AP1G1: variants seen among roughly 807,000 people sequenced by gnomAD.
AP1G1 encodes AP-1 complex subunit gamma-1.
AP1G1 carries 7 observed loss-of-function variants against 108.3 expected under a neutral mutation model. That is an observed-to-expected ratio of 0.06 (90% CI 0.04 to 0.12). The LOEUF is 0.12. Among genes scored for constraint, AP1G1 ranks in the 10% least tolerant of loss-of-function variants. The probability of loss-of-function intolerance (pLI) is 1.00; values close to 1 mark genes in which losing one functional copy is unlikely to be tolerated. For synonymous variants in AP1G1, 379 were observed against 353.5 expected, an observed-to-expected ratio of 1.07 and a Z score of -0.81; for missense variants, 756 against 1,010.7, an observed-to-expected ratio of 0.75 and a Z score of 3.42.
At position 71,789,305 on chromosome 16, in the gene AP1G1, G is replaced by A. The variant is rs1009858497; in HGVS notation, c.175C>T (p.Leu59=). ...NVAKLLYMHM[L]GYPAHFGQLE... is the part of the protein sequence containing the mutation. ...TGTCCAAAGTGAGCAGGGTAGCCCA[G>A]CATGTGCATATACAGTAATTTTGCC... The change falls in exon 2 of 23, where the codon CTG becomes TTG. Residue 59 remains leucine (L), a synonymous_variant. Coordinates refer to ENST00000299980, the MANE Select transcript of AP1G1 (RefSeq NM_001128.6). The A allele has an allele frequency of 7.4e-6, 12 of 1,613,954 alleles. No homozygotes were observed. The highest frequency in any genetic ancestry group is 1.6e-4 in the Middle Eastern group (1 of 6,084).
At chr16:71,800,644 A>T (rs1347608528) in intron 1 of AP1G1, among the ~76,000 whole-genome samples, 1 of 150,548 alleles carries the variant, frequency 6.6e-6, no homozygotes, top group African/African-American at 2.5e-5. Flanking sequence ...TACTAAAAAT[A>T]CAGAACATTA....
At chr16:71,786,462 C>CA (rs571181755) in intron 2 of AP1G1, among the ~76,000 whole-genome samples, 192 of 151,782 alleles carry the variant, frequency 1.3e-3, no homozygotes, top group African/African-American at 4.3e-3. Context: ...TCCAACTCAA[C>CA]AAAAATTTTT....
At chr16:71,801,333 TAAA>T (rs11307473) in intron 1 of AP1G1, among the ~76,000 whole-genome samples, 4 of 145,394 alleles carry the variant, frequency 2.8e-5, no homozygotes, top group Non-Finnish European at 3.0e-5. Context: ...CATGACATGT[TAAA>T]AAAAAAAAAA....
In AP1G1 at chr16:71,731,758, C is replaced by T. The variant is rs1238177883; in HGVS notation, c.*1300G>A. The stretch of plus-strand genomic sequence containing the variant: ...CATGAGATTCGTCTTTTAAAAGAGA[C>T]CAATTTCTCAGACTGAGGAAAGGCT... On this transcript the variant is annotated 3_prime_UTR_variant, in exon 23 of 23. Transcript: ENST00000299980. 2.0e-5 allele frequency: 3 copies of T among 152,572 alleles called. No individual in the cohort carries two copies. The South Asian group carries it at 6.2e-4, about 32-fold the overall frequency. 9.5% of individuals were successfully genotyped at this position (152,572 alleles called of 1,614,324 possible).
At chr16:71,754,826 G>C (rs2030695812) in intron 12 of AP1G1, among the ~76,000 whole-genome samples, 1 of 151,744 alleles carries the variant, frequency 6.6e-6, no homozygotes, top group African/African-American at 2.4e-5. Context: ...AAAAAAAGAG[G>C]GTACATAGTC....
At chr16:71,738,139 CTGGG>C (rs2045572832) in intron 21 of AP1G1, among the ~76,000 whole-genome samples, 1 of 152,194 alleles carries the variant, frequency 6.6e-6, no homozygotes, top group Non-Finnish European at 1.5e-5. Flanking sequence ...CCTCAGCCTC[CTGGG>C]TTCAAGCAAT....
intron 2 of AP1G1, among the ~76,000 whole-genome samples, chr16:71,784,817 C>T (rs2032143551): frequency 6.6e-6 from 1 of 151,496 alleles, no homozygotes; most frequent in Non-Finnish European, 1.5e-5. Context: ...CCTTGGCCTC[C>T]CAAAGTGCCA....
Position 71,730,933 on chromosome 16 carries a change from G to A in AP1G1, c.*2125C>T, listed in dbSNP as rs749696225. The A allele has an allele frequency of 6.6e-6, 1 of 152,258 alleles. No homozygotes were observed. Among genetic ancestry groups the A allele is most frequent in the African/African-American group, 2.4e-5 (1 of 41,398 alleles). 9.4% of individuals were successfully genotyped at this position (152,258 alleles called of 1,614,324 possible). ...GCATGGTCTTGAACAGATTTCTTCAGAGATTCAACCCAGTTCAAATAAAAA... is the reference window on the plus strand; with the variant it reads ...GCATGGTCTTGAACAGATTTCTTCAAAGATTCAACCCAGTTCAAATAAAAA... On this transcript the variant is annotated 3_prime_UTR_variant, in exon 23 of 23. Coordinates refer to ENST00000299980, the MANE Select transcript of AP1G1 (RefSeq NM_001128.6).
chr16:71,761,674 CA>C (rs989493513), intron 9 of AP1G1, 107 bp from the exon 10 acceptor site: 85,320 of 580,852 alleles, frequency 0.15, no homozygotes, highest in South Asian at 0.21. Flanking sequence ...AGACTGCTAG[CA>C]AAAAAAAAAA....
rs2031561835 is a variant in AP1G1, at chr16:71,771,352, T to A, written c.469-100A>T. 10 of 631,484 alleles carry A rather than the reference T, an allele frequency of 1.6e-5. No homozygotes were observed. The South Asian group carries it at 2.1e-4, about 14-fold the overall frequency. 39.1% of individuals were successfully genotyped at this position (631,484 alleles called of 1,614,324 possible). ...CCAACACAAAAATCTCACCAACTAGTTCATCTACTAGAAAAATAAAGAAGG... is the reference window on the plus strand; with the variant it reads ...CCAACACAAAAATCTCACCAACTAGATCATCTACTAGAAAAATAAAGAAGG... On this transcript the variant is annotated intron_variant, in intron 4 of 22. Coordinates refer to ENST00000299980, the MANE Select transcript of AP1G1 (RefSeq NM_001128.6).
At position 71,753,869 on chromosome 16, in the gene AP1G1, T is replaced by A; in HGVS notation, c.1248A>T (p.Arg416=). 1 of 1,614,074 alleles carries A rather than the reference T, an allele frequency of 6.2e-7. No homozygotes were observed. Among genetic ancestry groups the A allele is most frequent in the Non-Finnish European group, 8.5e-7 (1 of 1,179,976 alleles). The part of the protein sequence containing the change: ...LAAEKYAPSK[R]WHIDTIMRVL... ...CACGCATAATTGTGTCTATATGCCA[T>A]CGTTTGGAAGGTGCATACCTGAAAA... The change falls in exon 13 of 23, where the codon CGA becomes CGT. Residue 416 remains arginine (R), a synonymous_variant. Coordinates refer to ENST00000299980, the MANE Select transcript of AP1G1 (RefSeq NM_001128.6).
In AP1G1 at chr16:71,745,264, C is replaced by T. The variant is rs538768040; in HGVS notation, c.1879G>A (p.Asp627Asn). ...SGPQPTSQAN[D>N]LLDLLGGNDI... ...TTTCCTCCCAACAAATCCAATAAAT[C>T]ATTGGCCTAAACAAGGTAACAACAC... Residue 627 changes from aspartate to asparagine, a missense_variant, in exon 19 of 23, where the codon GAT becomes AAT. Around this residue, in one of 3 missense-constraint regions of AP1G1, gnomAD observed 357 missense variants for 366.5 expected, o/e 0.97. Transcript: ENST00000299980. The T allele has an allele frequency of 8.5e-5, 138 of 1,614,172 alleles. 1 individual carries two copies. In the East Asian group the frequency reaches 2.9e-3, roughly 34 times the overall value.
intron 1 of AP1G1, among the ~76,000 whole-genome samples, chr16:71,802,893 G>A (rs998075104): frequency 2.0e-5 from 3 of 152,016 alleles, no homozygotes; most frequent in Non-Finnish European, 2.9e-5. Context: ...GAGAAAACAC[G>A]TAACATCTTT....
At chr16:71,776,656 C>A (rs1000462117) in intron 2 of AP1G1, among the ~76,000 whole-genome samples, 1 of 152,184 alleles carries the variant, frequency 6.6e-6, no homozygotes, top group African/African-American at 2.4e-5. Context: ...TTCAATCTTA[C>A]TTCTGACAAA....
intron 2 of AP1G1, among the ~76,000 whole-genome samples, chr16:71,780,858 G>T (rs1213344300): frequency 6.8e-6 from 1 of 146,016 alleles, no homozygotes; most frequent in Admixed American, 7.0e-5. Context: ...TCACTCTGTC[G>T]CCCAGGCTGG....
At chr16:71,746,964 A>G (rs553499175) in intron 16 of AP1G1, 1 of 244,242 alleles carries the variant, frequency 4.1e-6, no homozygotes, top group South Asian at 7.2e-5. Context: ...ACACATATAT[A>G]TATGCCACTC....
chr16:71,755,315 T>C (rs1267058602), intron 12 of AP1G1, among the ~76,000 whole-genome samples: 1 of 152,056 alleles, frequency 6.6e-6, no homozygotes, highest in East Asian at 1.9e-4. Context: ...CGTAAGCCTA[T>C]GGTCCCAGCT....
intron 21 of AP1G1, 107 bp from the exon 22 acceptor site, chr16:71,734,814 C>CACT (rs1362247981): frequency 3.1e-5 from 27 of 857,830 alleles, no homozygotes; most frequent in Non-Finnish European, 4.5e-5. Flanking sequence ...CAACAGATTT[C>CACT]ACTACTACTA....
chr16:71,794,000 G>A (rs1567663085), intron 1 of AP1G1, among the ~76,000 whole-genome samples: 1 of 152,198 alleles, frequency 6.6e-6, no homozygotes, highest in East Asian at 1.9e-4. Flanking sequence ...TTACAGGCAT[G>A]AGCAACCGCA....
Sources: allele counts gnomAD v4.1 joint callset (sites outside exome capture counted in the v4.1 genomes callset), GRCh38; gene constraint gnomAD v4.1.1; regional missense constraint gnomAD v4.1.1; transcripts MANE v1.5; gene names NCBI Gene and HGNC (gene_info 2026-07-23, HGNC 2026-07-21).